Variants in VDAC3 observed in about 807,000 individuals in gnomAD.
VDAC3 encodes voltage dependent anion channel 3, also known as non-selective voltage-gated ion channel VDAC3.
VDAC3 carries 7 observed loss-of-function variants against 33.9 expected under a neutral mutation model. That is an observed-to-expected ratio of 0.21 (90% CI 0.12 to 0.39). VDAC3 has a LOEUF of 0.39. Ranked by LOEUF, VDAC3 falls within the 10% of genes least tolerant of loss-of-function variation. VDAC3 has a pLI of 1.00. For synonymous variants in VDAC3, 100 were observed against 122.4 expected, an observed-to-expected ratio of 0.82 and a Z score of 1.21; for missense variants, 261 against 334.5, an observed-to-expected ratio of 0.78 and a Z score of 1.71.
intron 3 of VDAC3, among the ~76,000 whole-genome samples, 159 bp from the exon 4 acceptor site, chr8:42,394,925 G>A (rs769068593): frequency 6.6e-6 from 1 of 151,706 alleles, no homozygotes; most frequent in African/African-American, 2.4e-5. Context: ...GCATTTATTT[G>A]GTTATAATTC....
intron 6 of VDAC3, among the ~76,000 whole-genome samples, chr8:42,401,437 C>T (rs966446013): frequency 2.0e-5 from 3 of 152,168 alleles, no homozygotes; most frequent in African/African-American, 4.8e-5. Flanking sequence ...CCTCGTCATC[C>T]GCCCACCTTG....
chr8:42,399,587 G>T, intron 5 of VDAC3, 64 bp from the exon 6 acceptor site: 1 of 1,459,744 alleles, frequency 6.9e-7, no homozygotes, highest in Non-Finnish European at 9.4e-7. Context: ...TTTAGAATTG[G>T]TTTCTTGAGT....
intron 6 of VDAC3, among the ~76,000 whole-genome samples, chr8:42,400,683 T>TA (rs1802401433): frequency 7.0e-6 from 1 of 143,338 alleles, no homozygotes; most frequent in South Asian, 2.3e-4. Context: ...CTTTTTTTTT[T>TA]TTTTTTTTTT....
intron 6 of VDAC3, among the ~76,000 whole-genome samples, chr8:42,401,328 C>G (rs558420814): frequency 6.6e-6 from 1 of 152,308 alleles, no homozygotes; most frequent in South Asian, 2.1e-4. Context: ...TCCCAAGTAG[C>G]TGGGACTACA....
intron 7 of VDAC3, among the ~76,000 whole-genome samples, chr8:42,402,573 A>T (rs1802434123): frequency 6.6e-6 from 1 of 152,200 alleles, no homozygotes. Context: ...GATGAATCAG[A>T]ACTTTTACGT....
Position 42,405,570 on chromosome 8 carries a change from T to G in VDAC3, c.*108T>G. On this transcript the variant is annotated 3_prime_UTR_variant, in exon 10 of 10. Coordinates refer to ENST00000022615, the MANE Select transcript of VDAC3 (RefSeq NM_005662.7). ...TGAAATTTCAAAAGTGTGAACTTTT[T>G]ATTCTTCCAAAGAATTGTAATCCTC... is the stretch of plus-strand genomic sequence containing the variant. 1 of 939,406 alleles carries G rather than the reference T, an allele frequency of 1.1e-6. No individual in the cohort carries two copies. Among genetic ancestry groups the G allele is most frequent in the Non-Finnish European group, 1.6e-6 (1 of 606,906 alleles). 58.2% of individuals were successfully genotyped at this position (939,406 alleles called of 1,614,324 possible).
intron 4 of VDAC3, chr8:42,396,687 A>G (rs1393680153): frequency 1.0e-5 from 7 of 691,578 alleles, no homozygotes; most frequent in South Asian, 4.7e-5. Flanking sequence ...GATGGTAAGA[A>G]AAAAAAGCTT....
intron 2 of VDAC3, 109 bp from the exon 3 acceptor site, chr8:42,394,101 G>A (rs1802256329): frequency 1.1e-6 from 1 of 945,072 alleles, no homozygotes; most frequent in Non-Finnish European, 1.7e-6. Context: ...TGATACACAG[G>A]AAGAGAAAAC....
At chr8:42,399,400 G>C in intron 5 of VDAC3, 1 of 341,294 alleles carries the variant, frequency 2.9e-6, no homozygotes. Context: ...AATTCTGTTT[G>C]GTTTTGAACT....
rs897852318 is a variant in VDAC3, at chr8:42,393,547, C to T, written c.-42-298C>T. On this transcript the variant is annotated intron_variant, in intron 1 of 9. Coordinates refer to ENST00000022615, the MANE Select transcript of VDAC3 (RefSeq NM_005662.7). Reference sequence around the variant, plus strand: ...CAAAGCTGGGCAGATTTTTAGTAGGCAAGATGAAAAATCAAGGCACCTGAG... The same window carrying T: ...CAAAGCTGGGCAGATTTTTAGTAGGTAAGATGAAAAATCAAGGCACCTGAG... 1.9e-4 allele frequency among the ~76,000 whole-genome samples: 29 copies of T among 152,122 alleles called. 1 individual carries two copies. The highest frequency in any genetic ancestry group is 1.9e-3 in the Admixed American group (29 of 15,270).
At chr8:42,403,289 G>C in intron 7 of VDAC3, 22 bp from the exon 8 acceptor site, 1 of 1,612,994 alleles carries the variant, frequency 6.2e-7, no homozygotes. Context: ...TATTTATGAC[G>C]TTTTCTTATC....
rs1802256696 is a variant in VDAC3, at chr8:42,394,115, A to G, written c.-2-95A>G. 25 of 1,074,612 alleles carry G rather than the reference A, an allele frequency of 2.3e-5. No individual in the cohort carries two copies. The East Asian group carries it at 4.7e-4, about 20-fold the overall frequency. 66.6% of individuals were successfully genotyped at this position (1,074,612 alleles called of 1,614,324 possible). On this transcript the variant is annotated intron_variant, in intron 2 of 9. Coordinates refer to ENST00000022615, the MANE Select transcript of VDAC3 (RefSeq NM_005662.7). ...ATGATACACAGGAAGAGAAAACTGT[A>G]TACCCCTTCTCACAGGATTAAACAG...
chr8:42,393,036 G>A (rs957809447), intron 1 of VDAC3, among the ~76,000 whole-genome samples: 4 of 152,138 alleles, frequency 2.6e-5, no homozygotes, highest in African/African-American at 7.2e-5. Flanking sequence ...TATGGAATGA[G>A]TCAGTACATT....
chr8:42,401,306 C>T (rs1050658691), intron 6 of VDAC3, among the ~76,000 whole-genome samples: 11 of 152,132 alleles, frequency 7.2e-5, no homozygotes, highest in South Asian at 2.1e-4. Context: ...AAGTGATTCT[C>T]CTGCCTCAGC....
intron 4 of VDAC3, among the ~76,000 whole-genome samples, chr8:42,395,836 A>G (rs182748245): frequency 0.018 from 2,733 of 151,596 alleles, 60 homozygotes; most frequent in African/African-American, 0.062. Context: ...TGGCACGCAC[A>G]TAGTCCCAGC....
At chr8:42,404,039 C>G (rs1027121347) in intron 8 of VDAC3, among the ~76,000 whole-genome samples, 3 of 152,100 alleles carry the variant, frequency 2.0e-5, no homozygotes, top group African/African-American at 4.8e-5. Context: ...ATTTCTGTTG[C>G]TATAGTAACT....
chr8:42,399,042 G>A (rs926244359), intron 5 of VDAC3, among the ~76,000 whole-genome samples, 178 bp downstream of exon 5: 1 of 151,772 alleles, frequency 6.6e-6, no homozygotes, highest in Non-Finnish European at 1.5e-5. Flanking sequence ...TTGTTTGTGA[G>A]TACTCTAATT....
Position 42,405,597 on chromosome 8 carries a change from C to T in VDAC3, c.*135C>T, listed in dbSNP as rs1200081461. 3 of 734,122 alleles carry T rather than the reference C, an allele frequency of 4.1e-6. No homozygotes were observed. The Admixed American group carries it at 8.0e-5, about 20-fold the overall frequency. 45.5% of individuals were successfully genotyped at this position (734,122 alleles called of 1,614,324 possible). A position where few individuals can be genotyped will look rare whatever the true frequency, so the allele number is the denominator to read the frequency against. ...TTCTTCCAAAGAATTGTAATCCTCC[C>T]CACACTGAAGTCTAGGGGTTGCGAA... On this transcript the variant is annotated 3_prime_UTR_variant, in exon 10 of 10. Coordinates refer to ENST00000022615, the MANE Select transcript of VDAC3 (RefSeq NM_005662.7).
At position 42,394,954 on chromosome 8, in the gene VDAC3, C is replaced by T. The variant is rs532461568; in HGVS notation, c.68-130C>T. 4.9e-5 allele frequency: 49 copies of T among 991,658 alleles called. No homozygotes were observed. In the African/African-American group the frequency reaches 7.4e-4, roughly 15 times the overall value. 61.4% of individuals were successfully genotyped at this position (991,658 alleles called of 1,614,324 possible). A position where few individuals can be genotyped will look rare whatever the true frequency, so the allele number is the denominator to read the frequency against. On this transcript the variant is annotated intron_variant, in intron 3 of 9. Transcript: ENST00000022615. ...ATAATTCAGTTTCTTGAGGAACTCT[C>T]ACCCAATGAAAATACTATGCATTTT...
Sources: gnomAD v4.1 joint callset for allele counts (sites outside exome capture counted in the v4.1 genomes callset) on GRCh38, gnomAD v4.1.1 for gene constraint, MANE v1.5 for transcripts, NCBI Gene and HGNC (gene_info 2026-07-23, HGNC 2026-07-21) for gene names.